The following TENT4B variants were observed in gnomAD, a reference collection of about 807,000 sequenced individuals.
TENT4B encodes the protein PAP associated domain containing 5.
Under a neutral mutation model 75.0 loss-of-function variants are expected in TENT4B, and 10 were observed. The observed-to-expected ratio is 0.13, with a 90% CI of 0.08 to 0.23. The LOEUF (loss-of-function observed/expected upper bound fraction) is 0.23, where lower values mean the gene tolerates loss of function less well. Among genes scored for constraint, TENT4B ranks in the 10% least tolerant of loss-of-function variants. TENT4B has a pLI of 1.00. For missense variants in TENT4B, 579 were observed against 893.8 expected, an observed-to-expected ratio of 0.65 and a Z score of 4.49; for synonymous variants, 350 against 357.7, an observed-to-expected ratio of 0.98 and a Z score of 0.24.
In TENT4B at chr16:50,193,817, C is replaced by A. The variant is rs116661090; in HGVS notation, c.639-17506C>A. The stretch of plus-strand genomic sequence containing the variant: ...AGGAAGTGATCACTGTTTTGGCAGA[C>A]CTGTCTTAGAGTAATGACCGTCATA... On this transcript the variant is annotated intron_variant, in intron 1 of 11. Transcript: ENST00000561678. 4.8e-3 allele frequency among the ~76,000 whole-genome samples: 723 copies of A among 152,184 alleles called. 12 individuals are homozygous for A. Among genetic ancestry groups the A allele is most frequent in the African/African-American group, 0.017 (699 of 41,528 alleles).
chr16:50,171,121 A>T (rs2038198310), intron 1 of TENT4B, among the ~76,000 whole-genome samples: 1 of 151,568 alleles, frequency 6.6e-6, no homozygotes. Flanking sequence ...TTTAAAAGTC[A>T]CTCTGTGCCA....
intron 4 of TENT4B, among the ~76,000 whole-genome samples, chr16:50,216,746 C>G (rs2031576747): frequency 6.6e-6 from 1 of 152,102 alleles, no homozygotes; most frequent in South Asian, 2.1e-4. Context: ...TCTCTAACTC[C>G]TGGACTCAAG....
Position 50,229,391 on chromosome 16 carries a change from G to A in TENT4B, c.*63G>A, listed in dbSNP as rs908743067. The A allele has an allele frequency of 1.3e-6, 2 of 1,524,456 alleles. No homozygotes were observed. The highest frequency in any genetic ancestry group is 2.3e-5 in the East Asian group (1 of 43,192). The allele number at this position is 1,524,456 out of a possible 1,614,324, so 94.4% of individuals were successfully genotyped here. On this transcript the variant is annotated 3_prime_UTR_variant, in exon 12 of 12. Transcript: ENST00000561678. ...ATCTCATGCTCAGGACAGTTGCGCA[G>A]GGACTCCTGGGAGATATTCAGGAGC...
rs932220699 is a variant in TENT4B, at chr16:50,156,282, A to G, written c.638+2023A>G. 3.3e-5 allele frequency among the ~76,000 whole-genome samples: 5 copies of G among 152,088 alleles called. 1 individual carries two copies. The highest frequency in any genetic ancestry group is 9.7e-5 in the African/African-American group (4 of 41,422). On this transcript the variant is annotated intron_variant, in intron 1 of 11. Transcript: ENST00000561678. ...CTAGTTTCAAAAAATACATTAAACA[A>G]TTCCCAAGAGTGTTAAGAGTGTCTG...
chr16:50,169,456 GAC>G (rs1208938089), intron 1 of TENT4B, among the ~76,000 whole-genome samples: 13 of 125,224 alleles, frequency 1.0e-4, no homozygotes, highest in Non-Finnish European at 1.6e-4. Context: ...TCTCTCAGAA[GAC>G]ACATATCTTA....
At chr16:50,188,832 C>G (rs2038585307) in intron 1 of TENT4B, among the ~76,000 whole-genome samples, 1 of 152,160 alleles carries the variant, frequency 6.6e-6, no homozygotes, top group Non-Finnish European at 1.5e-5. Context: ...CCATTGTGCT[C>G]CAGCCTGGGC....
chr16:50,213,965 C>T (rs1482571843), intron 2 of TENT4B, among the ~76,000 whole-genome samples: 2 of 152,030 alleles, frequency 1.3e-5, no homozygotes, highest in Admixed American at 6.5e-5. Context: ...AATCTCCTGC[C>T]GATACCAAGG....
At chr16:50,226,732 G>A (rs1306683100) in intron 10 of TENT4B, among the ~76,000 whole-genome samples, 1 of 152,040 alleles carries the variant, frequency 6.6e-6, no homozygotes, top group Non-Finnish European at 1.5e-5. Context: ...TTTTTTAGTT[G>A]AGATATAGTT....
At chr16:50,200,612 C>A (rs2030576335) in intron 1 of TENT4B, among the ~76,000 whole-genome samples, 1 of 152,000 alleles carries the variant, frequency 6.6e-6, no homozygotes, top group African/African-American at 2.4e-5. Context: ...TTGTTTTAAT[C>A]AATGATATAT....
intron 7 of TENT4B, 22 bp from the exon 8 acceptor site, chr16:50,224,635 G>A (rs774729469): frequency 1.5e-5 from 24 of 1,613,384 alleles, no homozygotes; most frequent in Middle Eastern, 1.7e-4. Flanking sequence ...GGCTTACTAT[G>A]TTACGTATAT....
At chr16:50,157,517 ACTT>A (rs2037923405) in intron 1 of TENT4B, among the ~76,000 whole-genome samples, 1 of 152,162 alleles carries the variant, frequency 6.6e-6, no homozygotes. Flanking sequence ...ATCATCTCAG[ACTT>A]CTTCATGTAC....
intron 2 of TENT4B, 110 bp downstream of exon 2, chr16:50,211,556 TAG>T: frequency 8.0e-7 from 1 of 1,252,368 alleles, no homozygotes. Context: ...AAGTGCTCTG[TAG>T]AGTTGTGGTC....
At chr16:50,206,354 ATTTTTT>A (rs35118426) in intron 1 of TENT4B, among the ~76,000 whole-genome samples, 3 of 96,550 alleles carry the variant, frequency 3.1e-5, no homozygotes, top group Admixed American at 2.3e-4. Context: ...ATATGTATGT[ATTTTTT>A]TTTTTTTTTT....
chr16:50,154,006 GCGTCCTCGCCTCCCTCGGCGTCCT>G lies in TENT4B; in HGVS notation c.391_414del (p.Ser131_Ser138del), dbSNP rs1292449767. 1.3e-6 allele frequency: 2 copies of G among 1,533,776 alleles called. No homozygotes were observed. Among genetic ancestry groups the G allele is most frequent in the Admixed American group, 3.9e-5 (2 of 50,870 alleles). ...CTGGGCCCGCCGGGCGGGCTCCTCG[GCGTCCTCGCCTCCCTCGGCGTCCT>G]CGTCCCCGCACCCTTCGGCCGCCGT... On this transcript the variant is annotated inframe_deletion, in exon 1 of 12. Coordinates refer to ENST00000561678, the MANE Select transcript of TENT4B (RefSeq NM_001365324.3).
chr16:50,184,974 G>A (rs1220175899), intron 1 of TENT4B, among the ~76,000 whole-genome samples: 1 of 152,086 alleles, frequency 6.6e-6, no homozygotes, highest in Non-Finnish European at 1.5e-5. Context: ...CACATTCCCT[G>A]TACTTAGATG....
At chr16:50,156,107 C>T (rs1010526190) in intron 1 of TENT4B, among the ~76,000 whole-genome samples, 9 of 152,196 alleles carry the variant, frequency 5.9e-5, no homozygotes, top group African/African-American at 1.7e-4. Flanking sequence ...TTTCATTTCC[C>T]GGAGGGATTA....
In TENT4B at chr16:50,154,170, G is replaced by A; in HGVS notation, c.549G>A (p.Arg183=). Residue 183 remains arginine (R), a synonymous_variant, in exon 1 of 12, where the codon CGG becomes CGA. Transcript: ENST00000561678. ...NYSLLQPSGG[R]AAGGGRADGG... is the part of the protein sequence containing the mutation. ...GCCTGCTGCAGCCCAGCGGAGGGCG[G>A]GCCGCGGGGGGCGGCCGAGCAGACG... 1.3e-6 allele frequency: 2 copies of A among 1,512,568 alleles called. No individual in the cohort carries two copies. The highest frequency in any genetic ancestry group is 1.8e-6 in the Non-Finnish European group (2 of 1,137,768). 93.7% of individuals were successfully genotyped at this position (1,512,568 alleles called of 1,614,324 possible).
rs538597587 is a variant in TENT4B at position 50,210,300 on chromosome 16, A to C, written c.639-1023A>C. On this transcript the variant is annotated intron_variant, in intron 1 of 11. Transcript: ENST00000561678. ...CCCCCGTCCTGACTATGTTCAAGTC[A>C]TTGCTCAGCCCAGTGAGTTTGTCCT... is the stretch of plus-strand genomic sequence containing the variant. Among the ~76,000 whole-genome samples, 4 of 152,176 alleles carry C rather than the reference A, an allele frequency of 2.6e-5. No individual in the cohort carries two copies. In the South Asian group the frequency reaches 8.3e-4, roughly 31 times the overall value.
intron 1 of TENT4B, 145 bp from the exon 2 acceptor site, chr16:50,211,178 C>T: frequency 1.2e-6 from 1 of 861,106 alleles, no homozygotes. Context: ...TGTACATTCC[C>T]ATTTTAGCTT....
Sources: gnomAD v4.1 joint callset for allele counts (sites outside exome capture counted in the v4.1 genomes callset) on GRCh38, gnomAD v4.1.1 for gene constraint, MANE v1.5 for transcripts, NCBI Gene and HGNC (gene_info 2026-07-23, HGNC 2026-07-21) for gene names.